The following PXDNL variants were observed in gnomAD, a reference collection of about 807,000 sequenced individuals.
PXDNL encodes the protein peroxidasin like.
Under a neutral mutation model 150.8 loss-of-function variants are expected in PXDNL, and 145 were observed. The ratio of observed to expected loss-of-function variants is 0.96; its 90% CI spans 0.84 to 1.10. The LOEUF (loss-of-function observed/expected upper bound fraction) is 1.10, where lower values mean the gene tolerates loss of function less well. PXDNL is among the 50% of genes least tolerant of loss of function. The pLI, the probability that PXDNL is intolerant of heterozygous loss-of-function variation, is 0.00. For synonymous variants in PXDNL, 757 were observed against 725.7 expected (o/e 1.04, Z -0.69); for missense variants, 2,087 against 1,873.9 (o/e 1.11, Z -2.10).
intron 4 of PXDNL, among the ~76,000 whole-genome samples, chr8:51,542,156 A>G (rs1812231207): frequency 6.7e-6 from 1 of 149,874 alleles, no homozygotes; most frequent in East Asian, 2.1e-4. Context: ...AAAGGGGGAA[A>G]AAAAGGAGTA....
At chr8:51,353,458 A>G (rs1022593843) in intron 19 of PXDNL, among the ~76,000 whole-genome samples, 1 of 151,980 alleles carries the variant, frequency 6.6e-6, no homozygotes, top group Non-Finnish European at 1.5e-5. Flanking sequence ...ATAATGTTGT[A>G]ATTAATATTT....
intron 21 of PXDNL, among the ~76,000 whole-genome samples, chr8:51,335,725 A>G (rs184378881): frequency 7.9e-5 from 12 of 150,954 alleles, no homozygotes; most frequent in Non-Finnish European, 5.9e-5. Flanking sequence ...ACACACATCC[A>G]TGCCCTCTCC....
intron 8 of PXDNL, among the ~76,000 whole-genome samples, chr8:51,459,700 C>T (rs536772383): frequency 2.0e-5 from 3 of 152,310 alleles, no homozygotes; most frequent in South Asian, 4.1e-4. Context: ...ATATTCCATT[C>T]ACATTGTCAG....
At chr8:51,367,305 C>T (rs1806953167) in intron 19 of PXDNL, among the ~76,000 whole-genome samples, 1 of 151,716 alleles carries the variant, frequency 6.6e-6, no homozygotes, top group African/African-American at 2.4e-5. Context: ...CAGCCAATCC[C>T]CAAAACCAAA....
At chr8:51,336,108 C>T (rs1805824739) in intron 21 of PXDNL, among the ~76,000 whole-genome samples, 1 of 152,140 alleles carries the variant, frequency 6.6e-6, no homozygotes, top group Non-Finnish European at 1.5e-5. Context: ...TTGGAATCCC[C>T]TCACATCTAA....
chr8:51,384,434 T>C (rs1399190411), intron 17 of PXDNL, among the ~76,000 whole-genome samples: 1 of 152,146 alleles, frequency 6.6e-6, no homozygotes, highest in African/African-American at 2.4e-5. Flanking sequence ...AGAAAAATTG[T>C]TTCTTTACTT....
In PXDNL at chr8:51,795,559, C is replaced by T. The variant is rs572420642; in HGVS notation, c.164+13622G>A. Reference sequence around the variant, plus strand: ...TCCTGAATGACTCCTGGGTAAATAACGAAATTAAGGCAGAAATCAAGAAGT... The same window carrying T: ...TCCTGAATGACTCCTGGGTAAATAATGAAATTAAGGCAGAAATCAAGAAGT... On this transcript the variant is annotated intron_variant, in intron 1 of 22. Transcript: ENST00000356297. Among the ~76,000 whole-genome samples the T allele has an allele frequency of 2.0e-4, 31 of 152,206 alleles. No homozygotes were observed. The South Asian group carries it at 3.5e-3, about 17-fold the overall frequency.
At chr8:51,804,580 T>A (rs1334420114) in intron 1 of PXDNL, among the ~76,000 whole-genome samples, 1 of 152,160 alleles carries the variant, frequency 6.6e-6, no homozygotes, top group Non-Finnish European at 1.5e-5. Context: ...TCATTCAACT[T>A]TTCCCATGTG....
intron 1 of PXDNL, among the ~76,000 whole-genome samples, chr8:51,808,726 G>A (rs943511843): frequency 6.6e-6 from 1 of 152,092 alleles, no homozygotes; most frequent in African/African-American, 2.4e-5. Context: ...CCTCCCAGGA[G>A]GTACACACAG....
intron 2 of PXDNL, among the ~76,000 whole-genome samples, chr8:51,643,464 T>C (rs1486598086): frequency 6.6e-6 from 1 of 152,210 alleles, no homozygotes; most frequent in Non-Finnish European, 1.5e-5. Context: ...ATTTAATAAA[T>C]GGTGTTGGGA....
chr8:51,522,559 G>GGCCTTA (rs1585546939), intron 4 of PXDNL, among the ~76,000 whole-genome samples: 1 of 152,268 alleles, frequency 6.6e-6, no homozygotes, highest in East Asian at 1.9e-4. Flanking sequence ...ATAAGAGAAT[G>GGCCTTA]TAAGGCCGGG....
intron 1 of PXDNL, among the ~76,000 whole-genome samples, chr8:51,712,619 T>C (rs1457416642): frequency 1.3e-5 from 2 of 152,200 alleles, no homozygotes; most frequent in Non-Finnish European, 2.9e-5. Flanking sequence ...AAAGTTAATG[T>C]AAACAGACAA....
At chr8:51,791,140 G>A (rs2037509687) in intron 1 of PXDNL, among the ~76,000 whole-genome samples, 1 of 152,290 alleles carries the variant, frequency 6.6e-6, no homozygotes, top group Non-Finnish European at 1.5e-5. Context: ...GAAAATTCAA[G>A]TGCAGGCAGT....
At chr8:51,804,090 T>C (rs1035954034) in intron 1 of PXDNL, among the ~76,000 whole-genome samples, 1 of 152,226 alleles carries the variant, frequency 6.6e-6, no homozygotes, top group Non-Finnish European at 1.5e-5. Flanking sequence ...TTCGGTTTTA[T>C]ACATTTTAGG....
intron 3 of PXDNL, among the ~76,000 whole-genome samples, chr8:51,573,940 T>C (rs931696358): frequency 1.4e-4 from 21 of 151,920 alleles, no homozygotes; most frequent in African/African-American, 4.8e-4. Flanking sequence ...GAGTAAAGAC[T>C]ATGTAAAGAC....
intron 21 of PXDNL, among the ~76,000 whole-genome samples, chr8:51,330,958 G>T (rs61485877): frequency 0.057 from 8,659 of 152,194 alleles, 372 homozygotes; most frequent in East Asian, 0.19. Context: ...AAGGACTTCC[G>T]ATAGATGATA....
intron 3 of PXDNL, among the ~76,000 whole-genome samples, chr8:51,558,777 T>G (rs778520868): frequency 6.6e-6 from 1 of 152,086 alleles, no homozygotes; most frequent in South Asian, 2.1e-4. Context: ...CAGTAAAGTA[T>G]GAATTCCAGA....
intron 1 of PXDNL, among the ~76,000 whole-genome samples, chr8:51,728,822 G>T (rs886957551): frequency 6.6e-6 from 1 of 152,150 alleles, no homozygotes; most frequent in Non-Finnish European, 1.5e-5. Context: ...TAAGTCTACA[G>T]TGTTTATAAA....
chr8:51,668,176 C>CTCTTTTTTTTTTTTTTTTT (rs1554564343), intron 1 of PXDNL, among the ~76,000 whole-genome samples: 8 of 77,386 alleles, frequency 1.0e-4, no homozygotes, highest in African/African-American at 3.8e-4. Context: ...CTCGCTCTCT[C>CTCTTTTTTTTTTTTTTTTT]TTTTTTTTTT....
Sources: gnomAD v4.1 joint callset for allele counts (sites outside exome capture counted in the v4.1 genomes callset) on GRCh38, gnomAD v4.1.1 for gene constraint, MANE v1.5 for transcripts, NCBI Gene and HGNC (gene_info 2026-07-23, HGNC 2026-07-21) for gene names.